Variants in TEAD1 observed in about 807,000 individuals in gnomAD.
The protein encoded by TEAD1 is transcriptional enhancer factor TEF-1.
Under a neutral mutation model 54.9 loss-of-function variants are expected in TEAD1, and 9 were observed. That is an observed-to-expected ratio of 0.16 (90% CI 0.10 to 0.29). TEAD1 has a LOEUF of 0.29. TEAD1 is among the 10% of genes least tolerant of loss of function. TEAD1 has a pLI of 1.00. For synonymous variants in TEAD1, 200 were observed against 187.8 expected (o/e 1.07, Z -0.53); for missense variants, 387 against 535.9 (o/e 0.72, Z 2.74).
intron 2 of TEAD1, among the ~76,000 whole-genome samples, chr11:12,724,380 A>G (rs1564919111): frequency 1.3e-5 from 2 of 152,190 alleles, no homozygotes; most frequent in South Asian, 2.1e-4. Context: ...CCCTTCCCGC[A>G]CACCTCTCGG....
intron 3 of TEAD1, among the ~76,000 whole-genome samples, chr11:12,784,249 C>A (rs1480871393): frequency 6.6e-6 from 1 of 152,130 alleles, no homozygotes; most frequent in Non-Finnish European, 1.5e-5. Context: ...TTTATAGACA[C>A]AGTTGTACAG....
chr11:12,901,779 C>T (rs530157054), intron 9 of TEAD1, among the ~76,000 whole-genome samples, 161 bp from the exon 10 acceptor site: 3 of 152,286 alleles, frequency 2.0e-5, no homozygotes, highest in African/African-American at 7.2e-5. Context: ...AAGCTATAAT[C>T]GCTTTTCTAA....
intron 2 of TEAD1, among the ~76,000 whole-genome samples, chr11:12,679,090 AACTC>A (rs974295755): frequency 3.3e-5 from 5 of 152,066 alleles, no homozygotes; most frequent in African/African-American, 1.2e-4. Context: ...CTAACTGTGA[AACTC>A]ACTCGTTTCC....
chr11:12,892,491 A>G (rs1948217149), intron 9 of TEAD1, among the ~76,000 whole-genome samples: 1 of 152,116 alleles, frequency 6.6e-6, no homozygotes, highest in African/African-American at 2.4e-5. Context: ...CAAAAATACA[A>G]AAATTAGCTG....
chr11:12,776,650 C>T (rs898334857), intron 3 of TEAD1, among the ~76,000 whole-genome samples: 1 of 151,688 alleles, frequency 6.6e-6, no homozygotes, highest in Non-Finnish European at 1.5e-5. Flanking sequence ...TAGTGACCTG[C>T]TATGCATACC....
intron 10 of TEAD1, among the ~76,000 whole-genome samples, chr11:12,908,883 GTT>G (rs60042137): frequency 1.0e-5 from 1 of 99,640 alleles, no homozygotes; most frequent in Non-Finnish European, 2.3e-5. Flanking sequence ...CAAATTATCT[GTT>G]TTTTTTTTTT....
chr11:12,685,447 G>C (rs892141926), intron 2 of TEAD1, among the ~76,000 whole-genome samples: 1 of 152,130 alleles, frequency 6.6e-6, no homozygotes, highest in Non-Finnish European at 1.5e-5. Context: ...TAAAACCCTG[G>C]ATCTAGTCAC....
At chr11:12,792,388 CT>C (rs1945823181) in intron 3 of TEAD1, among the ~76,000 whole-genome samples, 1 of 147,992 alleles carries the variant, frequency 6.8e-6, no homozygotes, top group Non-Finnish European at 1.5e-5. Context: ...CTATATAGTC[CT>C]ATGAAGAAAG....
intron 3 of TEAD1, among the ~76,000 whole-genome samples, chr11:12,852,775 T>G (rs1017281829): frequency 6.6e-6 from 1 of 152,136 alleles, no homozygotes; most frequent in African/African-American, 2.4e-5. Flanking sequence ...ACACTTTAAG[T>G]GTATGGGATA....
At chr11:12,838,347 C>T (rs1456662464) in intron 3 of TEAD1, among the ~76,000 whole-genome samples, 2 of 152,068 alleles carry the variant, frequency 1.3e-5, no homozygotes, top group Non-Finnish European at 2.9e-5. Context: ...ATCCCTAGGC[C>T]CTTGATCCTT....
At chr11:12,701,928 A>G (rs1943711933) in intron 2 of TEAD1, among the ~76,000 whole-genome samples, 1 of 152,202 alleles carries the variant, frequency 6.6e-6, no homozygotes, top group Admixed American at 6.5e-5. Context: ...AGGATTATGC[A>G]GGAAATGTCA....
At chr11:12,934,200 T>C (rs1299201430) in intron 12 of TEAD1, among the ~76,000 whole-genome samples, 1 of 152,172 alleles carries the variant, frequency 6.6e-6, no homozygotes, top group African/African-American at 2.4e-5. Context: ...TGGAATACTA[T>C]GCAGCCATAA....
chr11:12,777,958 G>T (rs1945465252), intron 3 of TEAD1, among the ~76,000 whole-genome samples: 1 of 152,196 alleles, frequency 6.6e-6, no homozygotes, highest in Non-Finnish European at 1.5e-5. Flanking sequence ...ACCAGGGCAG[G>T]TGATGTGACA....
rs533199116 is a variant in TEAD1 at position 12,712,498 on chromosome 11, C to A, written c.-55+36937C>A. 1.3e-4 allele frequency among the ~76,000 whole-genome samples: 20 copies of A among 152,310 alleles called. No homozygotes were observed. The South Asian group carries it at 4.2e-3, about 32-fold the overall frequency. On this transcript the variant is annotated intron_variant, in intron 2 of 12. Transcript: ENST00000527636. ...ATGTTCCCTAAACTCTGTTGCTGCC[C>A]TCAGTTGGTAAAATGGAAATGATAG...
chr11:12,778,633 T>C (rs1455685692), intron 3 of TEAD1, among the ~76,000 whole-genome samples: 2 of 150,574 alleles, frequency 1.3e-5, no homozygotes, highest in Non-Finnish European at 3.0e-5. Context: ...CTGCTCAGCC[T>C]CCAGTATGGT....
intron 2 of TEAD1, among the ~76,000 whole-genome samples, chr11:12,720,014 C>G (rs1944159924): frequency 2.0e-5 from 2 of 98,934 alleles, no homozygotes; most frequent in Admixed American, 1.6e-4. Flanking sequence ...CCCAGCCATG[C>G]TGTGTCTTGT....
At chr11:12,822,115 C>T (rs975933630) in intron 3 of TEAD1, among the ~76,000 whole-genome samples, 1 of 151,908 alleles carries the variant, frequency 6.6e-6, no homozygotes, top group Non-Finnish European at 1.5e-5. Flanking sequence ...AGGCACCCAC[C>T]ACCATGCCCG....
chr11:12,721,441 C>G (rs546949628), intron 2 of TEAD1, among the ~76,000 whole-genome samples: 1 of 152,206 alleles, frequency 6.6e-6, no homozygotes, highest in Admixed American at 6.5e-5. Flanking sequence ...GAAGGATGAT[C>G]TGCACACACC....
At position 12,869,441 on chromosome 11, in the gene TEAD1, T is replaced by C. The variant is rs192106588; in HGVS notation, c.330+4541T>C. Among the ~76,000 whole-genome samples, 195 of 152,332 alleles carry C rather than the reference T, an allele frequency of 1.3e-3. 4 individuals carry two copies. Among genetic ancestry groups the C allele is most frequent in the Non-Finnish European group, 2.1e-4 (14 of 68,020 alleles). ...CTCATTGTGTTTAAAGAATAAATTA[T>C]AAGTTCTGTCCTTATGAAGTCTGAA... On this transcript the variant is annotated intron_variant, in intron 5 of 12. Transcript: ENST00000527636.
Sources: allele counts gnomAD v4.1 joint callset (sites outside exome capture counted in the v4.1 genomes callset), GRCh38; gene constraint gnomAD v4.1.1; transcripts MANE v1.5; gene names NCBI Gene and HGNC (gene_info 2026-07-23, HGNC 2026-07-21).